RBFOX1: variants seen among roughly 807,000 people sequenced by gnomAD.
RBFOX1 encodes the protein RNA binding protein fox-1 homolog 1.
A neutral mutation model predicts 57.7 loss-of-function variants in RBFOX1; 8 were observed. That is an observed-to-expected ratio of 0.14 (90% CI 0.08 to 0.25). The LOEUF (loss-of-function observed/expected upper bound fraction) is 0.25, where lower values mean the gene tolerates loss of function less well. Ranked by LOEUF, RBFOX1 falls within the 10% of genes least tolerant of loss-of-function variation. The pLI is 1.00. For synonymous variants in RBFOX1, 326 were observed against 222.4 expected (o/e 1.47, Z -4.15); for missense variants, 611 against 548.5 (o/e 1.11, Z -1.14).
chr16:5,847,355 A>G (rs1320317973), intron 3 of RBFOX1, among the ~76,000 whole-genome samples: 6 of 146,984 alleles, frequency 4.1e-5, no homozygotes, highest in Non-Finnish European at 9.0e-5. Flanking sequence ...TCCTTATCTG[A>G]AAAAAAAAAT....
intron 1 of RBFOX1, among the ~76,000 whole-genome samples, chr16:5,255,354 C>CCCTCCATCCATCCATCCATCCATCCA (rs1555468931): frequency 1.2e-4 from 10 of 86,330 alleles, no homozygotes; most frequent in African/African-American, 3.2e-4. Context: ...CCATCCATCC[C>CCCTCCATCCATCCATCCATCCATCCA]TCCATCCATC....
In RBFOX1 at chr16:5,969,298, C is replaced by CT. The variant is rs71142659; in HGVS notation, c.351+101988dup. 4.5e-3 allele frequency among the ~76,000 whole-genome samples: 378 copies of CT among 83,720 alleles called. 5 individuals carry two copies. The highest frequency in any genetic ancestry group is 0.017 in the East Asian group (38 of 2,294). The allele number at this position is 83,720 out of a possible 152,430, so 54.9% of individuals were successfully genotyped here. A position where few individuals can be genotyped will look rare whatever the true frequency, so the allele number is the denominator to read the frequency against. On this transcript the variant is annotated intron_variant, in intron 4 of 19. Coordinates refer to the RBFOX1 transcript ENST00000641259. ...ATGCCTGTGATTATTTTCGGTTGTT[C>CT]TTTTTTTTTTTTTTTTTTTTTTTTT...
chr16:7,264,277 A>C (rs2095044496), intron 4 of RBFOX1, among the ~76,000 whole-genome samples: 1 of 152,216 alleles, frequency 6.6e-6, no homozygotes, highest in Non-Finnish European at 1.5e-5. Context: ...CAAAATTGGT[A>C]AACTCAAGGA....
chr16:7,612,344 A>T (rs951176985), intron 10 of RBFOX1, among the ~76,000 whole-genome samples: 3 of 146,142 alleles, frequency 2.1e-5, no homozygotes, highest in African/African-American at 7.5e-5. Flanking sequence ...AAAAAAAAAA[A>T]AAAAAGACAA....
At chr16:6,983,809 G>C (rs1327627150) in intron 3 of RBFOX1, 1 of 152,488 alleles carries the variant, frequency 6.6e-6, no homozygotes, top group Non-Finnish European at 1.5e-5. Flanking sequence ...AGTGATGGTA[G>C]TGATGCCCTG....
chr16:6,769,783 C>T (rs140334002), intron 3 of RBFOX1, among the ~76,000 whole-genome samples: 1 of 152,286 alleles, frequency 6.6e-6, no homozygotes, highest in African/African-American at 2.4e-5. Context: ...AAACTTACCT[C>T]TAGAAAAGTC....
chr16:5,947,942 A>G lies in RBFOX1; in HGVS notation c.351+80607A>G, dbSNP rs1178016269. ...TATGGTACAGAATTTTAATTTGCAA[A>G]TGCATCACCAGATTCTTGATTGAAT... is the stretch of plus-strand genomic sequence containing the variant. On this transcript the variant is annotated intron_variant, in intron 4 of 19. Transcript: ENST00000641259. This position sits in a 1 kb window ranked among gnomAD's most constrained non-coding sequence, Gnocchi z 7.2. Among the ~76,000 whole-genome samples, 2 of 152,214 alleles carry G rather than the reference A, an allele frequency of 1.3e-5. No homozygotes were observed. Among genetic ancestry groups the G allele is most frequent in the African/African-American group, 2.4e-5 (1 of 41,444 alleles).
chr16:7,285,302 G>A (rs1448176130), intron 4 of RBFOX1, among the ~76,000 whole-genome samples: 3 of 152,036 alleles, frequency 2.0e-5, no homozygotes, highest in Non-Finnish European at 2.9e-5. Flanking sequence ...TTAAAGTACA[G>A]TGATCACATC....
At chr16:6,043,504 T>A (rs895678518) in intron 1 of RBFOX1, among the ~76,000 whole-genome samples, 1 of 152,188 alleles carries the variant, frequency 6.6e-6, no homozygotes, top group Non-Finnish European at 1.5e-5. Flanking sequence ...GTTTTGTCAG[T>A]CTAATGATTT....
At chr16:7,161,262 C>G (rs80202854) in intron 4 of RBFOX1, among the ~76,000 whole-genome samples, 2,041 of 152,054 alleles carry the variant, frequency 0.013, 53 homozygotes, top group African/African-American at 0.047. Context: ...TTAATGATGT[C>G]TGCTGTGACC....
At chr16:5,283,943 T>A (rs1440124593) in intron 1 of RBFOX1, among the ~76,000 whole-genome samples, 1 of 152,054 alleles carries the variant, frequency 6.6e-6, no homozygotes, top group Non-Finnish European at 1.5e-5. Context: ...AATGATATGG[T>A]TTGGCTGTGT....
intron 4 of RBFOX1, among the ~76,000 whole-genome samples, chr16:7,155,264 G>A (rs1478043796): frequency 2.0e-5 from 3 of 151,968 alleles, no homozygotes; most frequent in Non-Finnish European, 4.4e-5. Context: ...CACCTTTAGA[G>A]TTCCAGAATA....
intron 1 of RBFOX1, among the ~76,000 whole-genome samples, chr16:5,298,359 T>A (rs1467578649): frequency 6.6e-6 from 1 of 151,834 alleles, no homozygotes; most frequent in Admixed American, 6.6e-5. Flanking sequence ...CTTGGGAGAG[T>A]GTTGGGGTAA....
intron 2 of RBFOX1, among the ~76,000 whole-genome samples, chr16:5,537,957 C>T (rs1044524144): frequency 6.6e-6 from 1 of 152,144 alleles, no homozygotes; most frequent in Non-Finnish European, 1.5e-5. Context: ...ACACATTTTT[C>T]CCACACTCAC....
chr16:7,660,053 A>G (rs1482130594), intron 12 of RBFOX1, among the ~76,000 whole-genome samples: 1 of 152,220 alleles, frequency 6.6e-6, no homozygotes, highest in Non-Finnish European at 1.5e-5. Flanking sequence ...TCAGGGTAGA[A>G]CAATTGTAAA....
chr16:6,894,611 G>A (rs568434449), intron 3 of RBFOX1, among the ~76,000 whole-genome samples: 6 of 152,124 alleles, frequency 3.9e-5, no homozygotes, highest in East Asian at 1.9e-4. Flanking sequence ...GTGCAATTTC[G>A]TGACAGTTTT....
intron 14 of RBFOX1, among the ~76,000 whole-genome samples, chr16:7,683,034 A>ATATATATATATATATATATAT (rs1568439301): frequency 5.4e-5 from 5 of 92,588 alleles, no homozygotes; most frequent in Admixed American, 1.1e-4. Flanking sequence ...ATATATATAT[A>ATATATATATATATATATATAT]AAACAGTGCT....
chr16:5,743,683 T>A (rs8062586), intron 3 of RBFOX1, among the ~76,000 whole-genome samples: 69,393 of 151,988 alleles, frequency 0.46, 16,142 homozygotes, highest in East Asian at 0.57. Context: ...TACGCTAAGA[T>A]CACTTAAAAC....
intron 3 of RBFOX1, among the ~76,000 whole-genome samples, chr16:6,974,468 C>G (rs1317897913): frequency 2.0e-5 from 3 of 151,410 alleles, no homozygotes; most frequent in South Asian, 2.1e-4. Context: ...CCTCAGCCTC[C>G]CAAGTAGCTG....
Sources: allele counts gnomAD v4.1 joint callset (sites outside exome capture counted in the v4.1 genomes callset), GRCh38; gene constraint gnomAD v4.1.1; non-coding constraint Gnocchi (gnomAD v3.1); transcripts MANE v1.5; gene names NCBI Gene and HGNC (gene_info 2026-07-23, HGNC 2026-07-21).